Variants in TXNRD1 observed in about 807,000 individuals in gnomAD.
The protein encoded by TXNRD1 is thioredoxin reductase 1.
A neutral mutation model predicts 80.3 loss-of-function variants in TXNRD1; 57 were observed. The observed-to-expected ratio is 0.71, with a 90% CI of 0.57 to 0.89. The LOEUF (loss-of-function observed/expected upper bound fraction) is 0.89. Ranked by LOEUF, TXNRD1 falls within the 40% of genes least tolerant of loss-of-function variation. The pLI, the probability that TXNRD1 is intolerant of heterozygous loss-of-function variation, is 0.00. For missense variants in TXNRD1, 730 were observed against 803.0 expected (o/e 0.91, Z 1.10); for synonymous variants, 291 against 285.2 (o/e 1.02, Z -0.20).
chr12:104,310,102 A>G (rs780189901), intron 4 of TXNRD1: 1 of 1,511,918 alleles, frequency 6.6e-7, no homozygotes, highest in South Asian at 1.2e-5. Flanking sequence ...TTGGGCTGGT[A>G]AGTTTGGGGG....
intron 3 of TXNRD1, among the ~76,000 whole-genome samples, chr12:104,285,706 G>A (rs750939747): frequency 5.3e-5 from 8 of 152,088 alleles, no homozygotes; most frequent in Non-Finnish European, 8.8e-5. Flanking sequence ...TGGGTCATTC[G>A]GTAGACTAAA....
chr12:104,219,782 ATT>A (rs35300104), intron 1 of TXNRD1, among the ~76,000 whole-genome samples: 2 of 147,134 alleles, frequency 1.4e-5, no homozygotes, highest in South Asian at 2.1e-4. Context: ...GCAAAAGGCA[ATT>A]TTTTTTTTTT....
chr12:104,306,342 T>C (rs1158163473), intron 4 of TXNRD1, among the ~76,000 whole-genome samples: 1 of 152,204 alleles, frequency 6.6e-6, no homozygotes, highest in Non-Finnish European at 1.5e-5. Flanking sequence ...TATTTGGAGA[T>C]TATTGCCAAA....
intron 12 of TXNRD1, among the ~76,000 whole-genome samples, chr12:104,326,715 C>T (rs1187125481): frequency 6.6e-6 from 1 of 152,186 alleles, no homozygotes; most frequent in African/African-American, 2.4e-5. Context: ...ATCCACCTGC[C>T]TTGGCCTCCC....
chr12:104,265,265 A>G lies in TXNRD1; in HGVS notation c.304+7186A>G, dbSNP rs959832669. 8.9e-5 allele frequency: 135 copies of G among 1,525,306 alleles called. 1 individual carries two copies. The highest frequency in any genetic ancestry group is 1.1e-4 in the Non-Finnish European group (130 of 1,134,154). The allele number at this position is 1,525,306 out of a possible 1,614,324, so 94.5% of individuals were successfully genotyped here. A position where few individuals can be genotyped will look rare whatever the true frequency, so the allele number is the denominator to read the frequency against. The stretch of plus-strand genomic sequence containing the variant: ...GACTCCGTCTTAAAAAAAAAAAAAA[A>G]AAAACTTCCTTTTGCGGGTGGCGGC... On this transcript the variant is annotated intron_variant, in intron 3 of 16. Transcript: ENST00000525566.
intron 8 of TXNRD1, 126 bp from the exon 9 acceptor site, chr12:104,319,344 A>T: frequency 1.4e-6 from 1 of 697,326 alleles, no homozygotes; most frequent in Non-Finnish European, 2.4e-6. Flanking sequence ...TATCCTTTTT[A>T]CTATATTATT....
chr12:104,267,703 C>CTTTCTTTCTCTCTT (rs1555209289), intron 3 of TXNRD1, among the ~76,000 whole-genome samples: 2 of 9,814 alleles, frequency 2.0e-4, no homozygotes, highest in Non-Finnish European at 4.4e-4. Flanking sequence ...CTTTCTTTCT[C>CTTTCTTTCTCTCTT]TCTTTCTTTC....
intron 5 of TXNRD1, among the ~76,000 whole-genome samples, chr12:104,311,845 G>T (rs908667840): frequency 5.3e-5 from 8 of 152,090 alleles, no homozygotes; most frequent in Non-Finnish European, 8.8e-5. Context: ...GCCAGGCGTG[G>T]TGGTGGGCAC....
chr12:104,304,748 A>G (rs1465928509), intron 4 of TXNRD1: 2 of 1,613,832 alleles, frequency 1.2e-6, no homozygotes, highest in South Asian at 1.1e-5. Context: ...TGGTTTTGCA[A>G]GAATAAGGCT....
intron 2 of TXNRD1, among the ~76,000 whole-genome samples, chr12:104,257,403 C>CTTT (rs57917719): frequency 3.1e-4 from 24 of 76,978 alleles, no homozygotes; most frequent in African/African-American, 9.8e-4. Context: ...TGTTCCAATG[C>CTTT]TTTTTTTTTT....
chr12:104,303,830 G>GA, intron 4 of TXNRD1: 1 of 1,432,454 alleles, frequency 7.0e-7, no homozygotes, highest in Non-Finnish European at 9.1e-7. Context: ...CATGTTGGTT[G>GA]AAAAAGCTTC....
chr12:104,262,743 T>G (rs1467109163), intron 3 of TXNRD1, among the ~76,000 whole-genome samples: 2 of 152,056 alleles, frequency 1.3e-5, no homozygotes, highest in Non-Finnish European at 2.9e-5. Context: ...ACTAGGCAGG[T>G]GTGCTTCCTG....
At chr12:104,222,105 A>G (rs1035025487) in intron 1 of TXNRD1, among the ~76,000 whole-genome samples, 27 of 152,148 alleles carry the variant, frequency 1.8e-4, no homozygotes, top group South Asian at 1.0e-3. Flanking sequence ...CAGCTTGTGA[A>G]TGTCAGCAGT....
chr12:104,225,830 A>G (rs907676979), intron 1 of TXNRD1, among the ~76,000 whole-genome samples: 1 of 151,888 alleles, frequency 6.6e-6, no homozygotes. Flanking sequence ...AACAGGAAGC[A>G]CTGTTTCCCA....
chr12:104,316,789 G>C (rs2035343367), intron 7 of TXNRD1, among the ~76,000 whole-genome samples: 1 of 152,204 alleles, frequency 6.6e-6, no homozygotes, highest in African/African-American at 2.4e-5. Flanking sequence ...TCACTCTGTT[G>C]TGAAGAGTGA....
intron 1 of TXNRD1, among the ~76,000 whole-genome samples, chr12:104,230,761 G>T (rs7975524): frequency 6.6e-6 from 1 of 151,954 alleles, no homozygotes; most frequent in South Asian, 2.1e-4. Context: ...AACCCTGTGT[G>T]GGGCAGAAAA....
chr12:104,297,341 T>C (rs1489499542), intron 4 of TXNRD1, among the ~76,000 whole-genome samples: 1 of 151,738 alleles, frequency 6.6e-6, no homozygotes, highest in African/African-American at 2.4e-5. Context: ...CAAACACTTG[T>C]TGACAAATAA....
At chr12:104,347,179 AT>A (rs202064310) in intron 16 of TXNRD1, among the ~76,000 whole-genome samples, 20,089 of 148,404 alleles carry the variant, frequency 0.14, 1,515 homozygotes, top group South Asian at 0.23. Flanking sequence ...TCTTATAATG[AT>A]TTTTTTTTTT....
At chr12:104,308,898 CTTT>C (rs11484262) in intron 4 of TXNRD1, among the ~76,000 whole-genome samples, 4 of 129,722 alleles carry the variant, frequency 3.1e-5, no homozygotes, top group Non-Finnish European at 3.2e-5. Context: ...AACAATGTTT[CTTT>C]TTTTTTTTTT....
Sources: gnomAD v4.1 joint callset for allele counts (sites outside exome capture counted in the v4.1 genomes callset) on GRCh38, gnomAD v4.1.1 for gene constraint, MANE v1.5 for transcripts, NCBI Gene and HGNC (gene_info 2026-07-23, HGNC 2026-07-21) for gene names.